The following SOD2 variants were observed in gnomAD, a reference collection of about 807,000 sequenced individuals.
The protein encoded by SOD2 is superoxide dismutase [Mn], mitochondrial.
Under a neutral mutation model 27.0 loss-of-function variants are expected in SOD2, and 11 were observed. The observed-to-expected ratio is 0.41, with a 90% CI of 0.26 to 0.67. The LOEUF is 0.67. Among genes scored for constraint, SOD2 ranks in the 30% least tolerant of loss-of-function variants. The probability of loss-of-function intolerance (pLI) is 0.34; values close to 1 mark genes in which losing one functional copy is unlikely to be tolerated. For synonymous variants in SOD2, 105 were observed against 103.0 expected (o/e 1.02, Z -0.12); for missense variants, 250 against 274.5 (o/e 0.91, Z 0.63).
upstream of SOD2, chr6:159,749,525 A>C (rs1779747536): frequency 1.3e-6 from 1 of 778,006 alleles, no homozygotes; most frequent in Middle Eastern, 6.7e-4. Context: ...GAGCAGATTC[A>C]TTTTGGAAAT....
At chr6:159,720,618 CTA>C (rs1778017191) in intron 1 of SOD2, 1 of 152,166 alleles carries the variant, frequency 6.6e-6, no homozygotes, top group Non-Finnish European at 1.5e-5. Flanking sequence ...GAAACTGAGA[CTA>C]TAGTATGCCT....
At chr6:159,762,034 G>A (rs770905955) in exon 1 of SOD2, 273 of 1,600,996 alleles carry the variant, frequency 1.7e-4, no homozygotes, top group Non-Finnish European at 2.3e-4. Context: ...CTGCGAGGAG[G>A]AGCTTTGCCT....
At chr6:159,722,110 G>T (rs2114839769) in intron 1 of SOD2, among the ~76,000 whole-genome samples, 1 of 152,144 alleles carries the variant, frequency 6.6e-6, no homozygotes, top group African/African-American at 2.4e-5. Context: ...GGGAGCAGTG[G>T]CCCATGCCTG....
chr6:159,747,055 A>G (rs1779617699), upstream of SOD2, among the ~76,000 whole-genome samples: 1 of 152,234 alleles, frequency 6.6e-6, no homozygotes, highest in Admixed American at 6.5e-5. Flanking sequence ...AGTGAAACAA[A>G]TATATTCCCA....
chr6:159,755,544 C>G, intron 1 of SOD2: 1 of 1,614,140 alleles, frequency 6.2e-7, no homozygotes, highest in Admixed American at 1.7e-5. Context: ...GGTAATCGAA[C>G]TGTGGGTTCC....
intron 1 of SOD2, among the ~76,000 whole-genome samples, chr6:159,733,354 C>T (rs565496316): frequency 4.5e-4 from 69 of 152,248 alleles, no homozygotes; most frequent in Middle Eastern, 3.4e-3. Flanking sequence ...CAGTGGCTCA[C>T]GCCTGTAATG....
chr6:159,732,886 AGTGTGTGTGTGTGTGT>A (rs67554039), intron 1 of SOD2, among the ~76,000 whole-genome samples: 1 of 146,348 alleles, frequency 6.8e-6, no homozygotes, highest in Non-Finnish European at 1.5e-5. Flanking sequence ...ATATATATAT[AGTGTGTGTGTGTGTGT>A]GTGTGTGTGT....
intron 3 of SOD2, 96 bp from the exon 4 acceptor site, chr6:159,685,129 A>C: frequency 1.3e-6 from 1 of 772,634 alleles, no homozygotes; most frequent in East Asian, 3.3e-5. Context: ...TTTTTGTCAT[A>C]GGGCCCAAGA....
chr6:159,693,019 G>T, intron 1 of SOD2, 126 bp downstream of exon 1: 1 of 1,414,688 alleles, frequency 7.1e-7, no homozygotes, highest in Non-Finnish European at 9.3e-7. Context: ...ACTCCCGGGA[G>T]AACCGCCTGC....
At chr6:159,698,664 A>C (rs1206081040) in intron 1 of SOD2, among the ~76,000 whole-genome samples, 2 of 151,968 alleles carry the variant, frequency 1.3e-5, no homozygotes, top group South Asian at 4.2e-4. Context: ...TTGACTCCCC[A>C]AAAACTTAAC....
At chr6:159,718,664 C>G (rs547886267) in intron 1 of SOD2, among the ~76,000 whole-genome samples, 3 of 152,178 alleles carry the variant, frequency 2.0e-5, no homozygotes, top group Non-Finnish European at 4.4e-5. Context: ...AGTATAAAAT[C>G]CACTAGATTA....
intron 1 of SOD2, among the ~76,000 whole-genome samples, chr6:159,698,798 G>A (rs145591510): frequency 0.016 from 2,464 of 151,006 alleles, 28 homozygotes; most frequent in Non-Finnish European, 0.023. Context: ...CTAGAGAAAA[G>A]AAAAAAATAA....
At chr6:159,691,846 C>A (rs1311258766) in intron 2 of SOD2, 1 of 152,158 alleles carries the variant, frequency 6.6e-6, no homozygotes, top group African/African-American at 2.4e-5. Context: ...TGAACTTTGA[C>A]CCCTAAGGGA....
exon 1 of SOD2, chr6:159,762,031 G>GAGGA: frequency 6.3e-7 from 1 of 1,598,874 alleles, no homozygotes; most frequent in Non-Finnish European, 8.5e-7. Context: ...GGGCTGCGAG[G>GAGGA]AGGAGCTTTG....
chr6:159,727,782 G>T, upstream of SOD2: 7 of 958,404 alleles, frequency 7.3e-6, no homozygotes, highest in Non-Finnish European at 8.7e-6. Context: ...GCCCCCGGCG[G>T]GTAAGGGGCG....
chr6:159,695,501 C>T (rs558177971), upstream of SOD2, among the ~76,000 whole-genome samples: 142 of 152,160 alleles, frequency 9.3e-4, no homozygotes, highest in African/African-American at 3.2e-3. Flanking sequence ...TCTACCACAC[C>T]CAGTGAACAG....
At chr6:159,713,220 A>C in intron 1 of SOD2, 1 of 853,932 alleles carries the variant, frequency 1.2e-6, no homozygotes, top group Non-Finnish European at 1.9e-6. Context: ...TCTTTTCCAA[A>C]TCTATCAGAC....
At chr6:159,695,661 A>AT (rs1419212407), upstream of SOD2, among the ~76,000 whole-genome samples, 2 of 151,994 alleles carry the variant, frequency 1.3e-5, no homozygotes, top group African/African-American at 2.4e-5. Context: ...TGCCTGGCTA[A>AT]TTTTTTTTAT....
At chr6:159,731,565 T>C (rs2114873119), upstream of SOD2, among the ~76,000 whole-genome samples, 1 of 152,348 alleles carries the variant, frequency 6.6e-6, no homozygotes, top group African/African-American at 2.4e-5. Flanking sequence ...TTAGAAACAG[T>C]CGGGAGGACA....
Sources: gnomAD v4.1 joint callset for allele counts (sites outside exome capture counted in the v4.1 genomes callset) on GRCh38, gnomAD v4.1.1 for gene constraint, MANE v1.5 for transcripts, NCBI Gene and HGNC (gene_info 2026-07-23, HGNC 2026-07-21) for gene names.